Variants in PCDH10 observed in about 807,000 individuals in gnomAD.
PCDH10 encodes protocadherin 10.
A neutral mutation model predicts 74.4 loss-of-function variants in PCDH10; 15 were observed. The observed-to-expected ratio is 0.20, with a 90% CI of 0.13 to 0.31. The LOEUF is 0.31. PCDH10 is among the 10% of genes least tolerant of loss of function. PCDH10 has a pLI of 1.00. For missense variants in PCDH10, 1,260 were observed against 1,390.2 expected (o/e 0.91, Z 1.49); for synonymous variants, 619 against 589.8 (o/e 1.05, Z -0.72).
In PCDH10 at chr4:133,190,394, C is replaced by T. The variant is rs1238227702; in HGVS notation, c.*234C>T. On this transcript the variant is annotated 3_prime_UTR_variant, in exon 5 of 5. Transcript: ENST00000264360. Reference sequence around the variant, plus strand: ...ACTTTAGAGGCAACAGATTTTGCCTCCCCGATCAGTGTGTGCCTGTTTACA... The same window carrying T: ...ACTTTAGAGGCAACAGATTTTGCCTTCCCGATCAGTGTGTGCCTGTTTACA... 6 of 580,862 alleles carry T rather than the reference C, an allele frequency of 1.0e-5. No homozygotes were observed. The highest frequency in any genetic ancestry group is 1.9e-5 in the Non-Finnish European group (6 of 319,532). 36.0% of individuals were successfully genotyped at this position (580,862 alleles called of 1,614,324 possible). A position where few individuals can be genotyped will look rare whatever the true frequency, so the allele number is the denominator to read the frequency against.
chr4:133,180,385 A>G (rs1727390413), intron 4 of PCDH10, among the ~76,000 whole-genome samples: 1 of 151,998 alleles, frequency 6.6e-6, no homozygotes, highest in Admixed American at 6.6e-5. Context: ...TGAAGTTTTT[A>G]TGTAACAGTT....
chr4:133,192,967 T>G lies in PCDH10; in HGVS notation c.*2807T>G, dbSNP rs1175445507. Reference sequence around the variant, plus strand: ...CCAATCTTACATAATTTTATATACATCAAAGAATAATATCCATCGTATTAG... The same window carrying G: ...CCAATCTTACATAATTTTATATACAGCAAAGAATAATATCCATCGTATTAG... On this transcript the variant is annotated 3_prime_UTR_variant, in exon 5 of 5. Transcript: ENST00000264360. 1 of 151,614 alleles carries G rather than the reference T, an allele frequency of 6.6e-6. No homozygotes were observed. Among genetic ancestry groups the G allele is most frequent in the Admixed American group, 6.6e-5 (1 of 15,216 alleles). 9.4% of individuals were successfully genotyped at this position (151,614 alleles called of 1,614,324 possible). A position where few individuals can be genotyped will look rare whatever the true frequency, so the allele number is the denominator to read the frequency against.
intron 4 of PCDH10, among the ~76,000 whole-genome samples, chr4:133,179,340 A>G (rs1727361888): frequency 6.6e-6 from 1 of 152,260 alleles, no homozygotes; most frequent in East Asian, 1.9e-4. Context: ...TTCTCCTCTT[A>G]ACACATTTTT....
At chr4:133,194,818 A>G (rs1024404602), downstream of PCDH10, 6 of 152,022 alleles carry the variant, frequency 3.9e-5, no homozygotes, top group African/African-American at 1.2e-4. Context: ...CATTATATTT[A>G]TAGCTTTGAA....
intron 2 of PCDH10, among the ~76,000 whole-genome samples, chr4:133,207,702 A>G (rs1218457190): frequency 6.6e-6 from 1 of 152,208 alleles, no homozygotes; most frequent in East Asian, 1.9e-4. Context: ...TTTGGAGAAC[A>G]ATATATTTGG....
chr4:133,151,175 A>G lies in PCDH10; in HGVS notation c.1035A>G (p.Leu345=). ...PNAVPAHCKV[L]VRVLDANDNA... The stretch of plus-strand genomic sequence containing the variant: ...CCGTGCCTGCGCACTGCAAGGTGCT[A>G]GTGCGAGTACTGGATGCTAATGACA... The change falls in exon 1 of 5, where the codon CTA becomes CTG. Residue 345 remains leucine (L), a synonymous_variant. Coordinates refer to ENST00000264360, the MANE Select transcript of PCDH10 (RefSeq NM_032961.3). 1 of 1,614,164 alleles carries G rather than the reference A, an allele frequency of 6.2e-7. No individual in the cohort carries two copies. The highest frequency in any genetic ancestry group is 1.1e-5 in the South Asian group (1 of 91,088).
rs893781694 is a variant in PCDH10 at position 133,151,781 on chromosome 4, C to T, written c.1641C>T (p.Asp547=). The part of the protein sequence containing the change: ...KDFSFQVEAR[D]AGSPQALAGN... Reference sequence around the variant, plus strand: ...TCAGTTTTCAGGTGGAAGCCCGGGACGCTGGCAGCCCCCAGGCGCTGGCTG... The same window carrying T: ...TCAGTTTTCAGGTGGAAGCCCGGGATGCTGGCAGCCCCCAGGCGCTGGCTG... The change falls in exon 1 of 5, where the codon GAC becomes GAT. Residue 547 remains aspartate (D), a synonymous_variant. Transcript: ENST00000264360. The T allele has an allele frequency of 6.2e-7, 1 of 1,613,110 alleles. No individual in the cohort carries two copies. The highest frequency in any genetic ancestry group is 8.5e-7 in the Non-Finnish European group (1 of 1,180,042).
intron 4 of PCDH10, among the ~76,000 whole-genome samples, chr4:133,187,382 A>G (rs1296266302): frequency 1.3e-5 from 2 of 152,116 alleles, no homozygotes; most frequent in Non-Finnish European, 2.9e-5. Context: ...ACTACAGGCC[A>G]TAAGGGACTT....
chr4:133,180,813 A>G (rs969401438), intron 4 of PCDH10, among the ~76,000 whole-genome samples: 1 of 151,926 alleles, frequency 6.6e-6, no homozygotes, highest in Non-Finnish European at 1.5e-5. Flanking sequence ...CAAAAGTAAC[A>G]TAATGATTTA....
At chr4:133,153,232 A>C in intron 1 of PCDH10, 2 of 1,035,198 alleles carry the variant, frequency 1.9e-6, no homozygotes, top group Non-Finnish European at 2.3e-6. Context: ...CAAGTAAGCT[A>C]TAGATTGTTT....
rs58977552 is a variant in PCDH10, at chr4:133,178,535, C to CT, written c.3104-11594dup. Among the ~76,000 whole-genome samples the CT allele has an allele frequency of 1.1e-3, 166 of 146,584 alleles. 1 individual carries two copies. Among genetic ancestry groups the CT allele is most frequent in the Admixed American group, 6.0e-3 (87 of 14,556 alleles). On this transcript the variant is annotated intron_variant, in intron 4 of 4. Transcript: ENST00000264360. ...ACAGGCATGAGCCACCCGGCCTGGA[C>CT]TTTTTTTTTTTTAATTAAAGTTTTT...
intron 4 of PCDH10, among the ~76,000 whole-genome samples, chr4:133,165,279 G>A (rs887441396): frequency 2.3e-4 from 33 of 145,798 alleles, no homozygotes; most frequent in Non-Finnish European, 4.1e-4. Context: ...TTCTTCATAC[G>A]ACTTTAATCA....
intron 4 of PCDH10, among the ~76,000 whole-genome samples, chr4:133,181,755 A>G (rs1489386719): frequency 6.6e-6 from 1 of 152,036 alleles, no homozygotes; most frequent in Non-Finnish European, 1.5e-5. Flanking sequence ...TTGCCTTGAC[A>G]TAGAAGTAAC....
In PCDH10 at chr4:133,177,434, A is replaced by G. The variant is rs7693425; in HGVS notation, c.3104-12707A>G. Among the ~76,000 whole-genome samples the G allele has an allele frequency of 4.1e-3, 620 of 152,238 alleles. 4 individuals carry two copies. The highest frequency in any genetic ancestry group is 0.014 in the African/African-American group (578 of 41,548). On this transcript the variant is annotated intron_variant, in intron 4 of 4. Transcript: ENST00000264360. ...TTAGTTACAGCTTATAGTTTATTCA[A>G]TGGGCTCTCTGTGTAATTCTCATGT... is the stretch of plus-strand genomic sequence containing the variant.
At chr4:133,169,754 G>A (rs988904378) in intron 4 of PCDH10, among the ~76,000 whole-genome samples, 3 of 151,786 alleles carry the variant, frequency 2.0e-5, no homozygotes, top group Non-Finnish European at 2.9e-5. Flanking sequence ...AAATAAGTCT[G>A]GAATCTACAA....
In PCDH10 at chr4:133,151,578, G is replaced by A. The variant is rs1484989188; in HGVS notation, c.1438G>A (p.Ala480Thr). The change falls in exon 1 of 5, where the codon GCC becomes ACC. Residue 480 changes from alanine to threonine, a missense_variant. By Grantham distance (58) the Ala-to-Thr change is moderately conservative. Around this residue, in one of 11 missense-constraint regions of PCDH10, gnomAD observed 587 missense variants for 616.9 expected, o/e 0.95. Transcript: ENST00000264360. The part of the protein sequence containing the change: ...VYVTENNVPG[A>T]YIYAVSATDR... ...TGTGACTGAAAACAACGTGCCTGGC[G>A]CCTACATCTACGCGGTGAGCGCCAC... 3.7e-6 allele frequency: 6 copies of A among 1,613,898 alleles called. No homozygotes were observed. The highest frequency in any genetic ancestry group is 1.3e-5 in the African/African-American group (1 of 74,910).
In PCDH10 at chr4:133,150,916, T is replaced by C. The variant is rs1726661895; in HGVS notation, c.776T>C (p.Leu259Pro). 1 of 1,613,650 alleles carries C rather than the reference T, an allele frequency of 6.2e-7. No individual in the cohort carries two copies. The highest frequency in any genetic ancestry group is 8.5e-7 in the Non-Finnish European group (1 of 1,179,996). The part of the protein sequence containing the change: ...AFDQPVYTVS[L>P]PENSPPGTLV... ...GACCAACCCGTCTACACTGTGTCCC[T>C]ACCAGAGAACTCTCCCCCAGGCACT... The change falls in exon 1 of 5, where the codon CTA (leucine) becomes CCA (proline). Residue 259 changes from leucine to proline, a missense_variant. Coordinates refer to ENST00000264360, the MANE Select transcript of PCDH10 (RefSeq NM_032961.3).
chr4:133,166,149 A>G (rs916764936), intron 4 of PCDH10, among the ~76,000 whole-genome samples: 4 of 151,612 alleles, frequency 2.6e-5, no homozygotes, highest in Non-Finnish European at 5.9e-5. Flanking sequence ...CTAAGTTGAT[A>G]TGGAGCAAAG....
rs556943029 is a variant in PCDH10, at chr4:133,152,042, C to T, written c.1902C>T (p.Arg634=). ...TGAACCTCTTTCGCATGGACTGGCG[C>T]ACCGGGGAGCTGCGCACAGCACGCC... ...NEMNLFRMDW[R]TGELRTARRV... is the part of the protein sequence containing the mutation. The change falls in exon 1 of 5, where the codon CGC becomes CGT. Residue 634 remains arginine (R), a synonymous_variant. Transcript: ENST00000264360. 7.4e-6 allele frequency: 12 copies of T among 1,611,532 alleles called. No homozygotes were observed. The South Asian group carries it at 1.3e-4, about 18-fold the overall frequency.
Sources: allele counts gnomAD v4.1 joint callset (sites outside exome capture counted in the v4.1 genomes callset), GRCh38; gene constraint gnomAD v4.1.1; regional missense constraint gnomAD v4.1.1; transcripts MANE v1.5; gene names NCBI Gene and HGNC (gene_info 2026-07-23, HGNC 2026-07-21).